The following ZYX variants were observed in gnomAD, a reference collection of about 807,000 sequenced individuals.
ZYX encodes the protein zyxin.
In ZYX, 37 loss-of-function variants were observed where a neutral mutation model predicts 58.1. That is an observed-to-expected ratio of 0.64 (90% confidence interval 0.49 to 0.84). The LOEUF is 0.84. Among genes scored for constraint, ZYX ranks in the 40% least tolerant of loss-of-function variants. The probability of loss-of-function intolerance (pLI) is 0.00; values close to 1 mark genes in which losing one functional copy is unlikely to be tolerated. For missense variants in ZYX, 762 were observed against 761.6 expected (o/e 1.00, Z -0.01); for synonymous variants, 324 against 321.1 (o/e 1.01, Z -0.10).
intron 5 of ZYX, among the ~76,000 whole-genome samples, chr7:143,385,684 T>TTTTTTTTTTTTTTA: frequency 7.5e-6 from 1 of 132,766 alleles, no homozygotes; most frequent in African/African-American, 2.9e-5. Context: ...TTTTTTTTTT[T>TTTTTTTTTTTTTTA]TTGGAGACGG....
chr7:143,382,695 C>A lies in ZYX; in HGVS notation c.501+10C>A. ...TCCTTTCAAAGCCCGGGTAAGGGAC[C>A]GGAGAGTAGGAAAAGCAGGGCTCAG... On this transcript the variant is annotated intron_variant, in intron 4 of 9. Coordinates refer to ENST00000322764, the MANE Select transcript of ZYX (RefSeq NM_003461.5). 1 of 1,614,020 alleles carries A rather than the reference C, an allele frequency of 6.2e-7. No individual in the cohort carries two copies. The highest frequency in any genetic ancestry group is 8.5e-7 in the Non-Finnish European group (1 of 1,179,966).
chr7:143,387,138 GATGGCTAAGATCTTAAGGGAAA>G lies in ZYX; in HGVS notation c.1024-1067_1024-1046del, dbSNP rs1258480819. On this transcript the variant is annotated intron_variant, in intron 5 of 9. Coordinates refer to ENST00000322764, the MANE Select transcript of ZYX (RefSeq NM_003461.5). This position sits in a 1 kb window ranked among gnomAD's most constrained non-coding sequence, Gnocchi z 5.8. ...AAGAGATGGTAGGATCTTAAGGGAA[GATGGCTAAGATCTTAAGGGAAA>G]ATGGCTAAGATCTGGAGAGTTGGAC... Among the ~76,000 whole-genome samples, 194 of 152,278 alleles carry G rather than the reference GATGGCTAAGATCTTAAGGGAAA, an allele frequency of 1.3e-3. No homozygotes were observed. The highest frequency in any genetic ancestry group is 4.3e-3 in the African/African-American group (180 of 41,544).
intron 2 of ZYX, 78 bp from the exon 3 acceptor site, chr7:143,382,170 G>T (rs773998126): frequency 1.6e-6 from 2 of 1,244,154 alleles, no homozygotes; most frequent in African/African-American, 1.5e-5. Context: ...TGGGTTAGGG[G>T]TTAGAGCGGT....
At position 143,388,439 on chromosome 7, in the gene ZYX, A is replaced by G. The variant is rs1291286515; in HGVS notation, c.1145-50A>G. ...CTATCTGAGCTGGCTGATCCCTCGC[A>G]GCTCTACATACTTCCTTCTATTTAC... On this transcript the variant is annotated intron_variant, in intron 6 of 9. Transcript: ENST00000322764. This position sits in a 1 kb window ranked among gnomAD's most constrained non-coding sequence, Gnocchi z 7.5. The G allele has an allele frequency of 2.5e-6, 4 of 1,604,694 alleles. No homozygotes were observed. Among genetic ancestry groups the G allele is most frequent in the Non-Finnish European group, 3.4e-6 (4 of 1,173,446 alleles).
chr7:143,385,844 C>T (rs1338442743), intron 5 of ZYX, among the ~76,000 whole-genome samples: 2 of 151,568 alleles, frequency 1.3e-5, no homozygotes, highest in Admixed American at 1.3e-4. Context: ...GGGGTTTCAC[C>T]ATGTTGGCTA....
chr7:143,382,278 G>A lies in ZYX; in HGVS notation c.239G>A (p.Gly80Glu), dbSNP rs752397661. ...CCCCTGCCTCCACCTCCCCTTGCTG[G>A]GGATGGCGACGATGCAGAGGGTGCT... ...DFPLPPPPLAGDGDDAEGALG... is the reference protein window; with the variant it reads ...DFPLPPPPLAEDGDDAEGALG... The change falls in exon 3 of 10, where the codon GGG becomes GAG. Residue 80 changes from glycine to glutamate, a missense_variant. Physicochemically the swap from Gly to Glu is moderately conservative, Grantham distance 98 (BLOSUM62 -2). Coordinates refer to ENST00000322764, the MANE Select transcript of ZYX (RefSeq NM_003461.5). The A allele has an allele frequency of 2.6e-5, 42 of 1,612,866 alleles. No individual in the cohort carries two copies. Among genetic ancestry groups the A allele is most frequent in the Non-Finnish European group, 3.4e-5 (40 of 1,179,570 alleles).
intron 5 of ZYX, among the ~76,000 whole-genome samples, chr7:143,386,064 G>A (rs1252479686): frequency 6.6e-6 from 1 of 151,518 alleles, no homozygotes; most frequent in Non-Finnish European, 1.5e-5. Flanking sequence ...TGTGTGGTCT[G>A]GTATGTGTGT....
chr7:143,390,166 G>T lies in ZYX; in HGVS notation c.1614+189G>T. ...GCCACTGCAGGAAATGGGGCTGTGG[G>T]GCTTCTGAGGTCACTTTGAGTCATG... On this transcript the variant is annotated intron_variant, in intron 9 of 9. Coordinates refer to ENST00000322764, the MANE Select transcript of ZYX (RefSeq NM_003461.5). This position sits in a 1 kb window ranked among gnomAD's most constrained non-coding sequence, Gnocchi z 4.3. 1 of 747,766 alleles carries T rather than the reference G, an allele frequency of 1.3e-6. No homozygotes were observed. The highest frequency in any genetic ancestry group is 2.1e-6 in the Non-Finnish European group (1 of 473,944). 46.3% of individuals were successfully genotyped at this position (747,766 alleles called of 1,614,324 possible).
chr7:143,382,604 G>C lies in ZYX; in HGVS notation c.420G>C (p.Lys140Asn). The C allele has an allele frequency of 6.2e-7, 1 of 1,614,054 alleles. No individual in the cohort carries two copies. Among genetic ancestry groups the C allele is most frequent in the Non-Finnish European group, 8.5e-7 (1 of 1,179,978 alleles). The change falls in exon 4 of 10, where the codon AAG becomes AAC. Residue 140 changes from lysine (K) to asparagine (N), a missense_variant. Lys to Asn is a moderately conservative substitution (Grantham distance 94). Coordinates refer to ENST00000322764, the MANE Select transcript of ZYX (RefSeq NM_003461.5). ...CTCTGACCCTCTAGCCCAGGGAGAA[G>C]GTGAGCAGTATTGATTTGGAGATCG... The part of the protein sequence containing the change: ...PIPPPPQPRE[K>N]VSSIDLEIDS...
Position 143,381,560 on chromosome 7 carries a change from C to A in ZYX, c.-12C>A, listed in dbSNP as rs556510440. On this transcript the variant is annotated 5_prime_UTR_variant, in exon 2 of 10. Transcript: ENST00000322764. The stretch of plus-strand genomic sequence containing the variant: ...GTAACCCGGCGACCCACCCCAGCAG[C>A]CCGGCCCGGCCATGGCGGCCCCCCG... 9 of 1,608,136 alleles carry A rather than the reference C, an allele frequency of 5.6e-6. No individual in the cohort carries two copies. The African/African-American group carries it at 1.2e-4, about 21-fold the overall frequency.
In ZYX at chr7:143,390,635, G is replaced by A. The variant is rs1456475513; in HGVS notation, c.1672G>A (p.Gly558Ser). 3.8e-6 allele frequency: 6 copies of A among 1,588,266 alleles called. No homozygotes were observed. The highest frequency in any genetic ancestry group is 4.5e-5 in the East Asian group (2 of 43,974). ...TGACAATGGCTGCTTCCCCCTGGAC[G>A]GTCACGTGCTCTGTCGGAAGTGCCA... ...ADDNGCFPLDGHVLCRKCHTA... is the reference protein window; with the variant it reads ...ADDNGCFPLDSHVLCRKCHTA... The change falls in exon 10 of 10, where the codon GGT becomes AGT. Residue 558 changes from glycine to serine, a missense_variant. By Grantham distance (56) the Gly-to-Ser change is moderately conservative (BLOSUM62 0). Transcript: ENST00000322764. This position sits in a 1 kb window ranked among gnomAD's most constrained non-coding sequence, Gnocchi z 4.3.
In ZYX at chr7:143,383,109, T is replaced by G. The variant is rs936634848; in HGVS notation, c.810T>G (p.Thr270=). 14 of 1,614,136 alleles carry G rather than the reference T, an allele frequency of 8.7e-6. No individual in the cohort carries two copies. The highest frequency in any genetic ancestry group is 1.1e-5 in the Non-Finnish European group (13 of 1,180,044). Residue 270 remains threonine (T), a synonymous_variant, in exon 5 of 10, where the codon ACT becomes ACG. Coordinates refer to ENST00000322764, the MANE Select transcript of ZYX (RefSeq NM_003461.5). ...CAGCCCCTAAGTTTTCTCCAGTGACTCCTAAGTTTACTCCTGTGGCTTCCA... is the reference window on the plus strand; with the variant it reads ...CAGCCCCTAAGTTTTCTCCAGTGACGCCTAAGTTTACTCCTGTGGCTTCCA... ...PAPAPKFSPV[T]PKFTPVASKF...
chr7:143,387,951 T>C lies in ZYX; in HGVS notation c.1024-268T>C, dbSNP rs1424176696. ...CTCCGTCCGCCCAGTCATTCTGGCC[T>C]GTCTGTGACTGCTCAGGGGGTTTGG... is the stretch of plus-strand genomic sequence containing the variant. On this transcript the variant is annotated intron_variant, in intron 5 of 9. Coordinates refer to ENST00000322764, the MANE Select transcript of ZYX (RefSeq NM_003461.5). This position sits in a 1 kb window ranked among gnomAD's most constrained non-coding sequence, Gnocchi z 5.8. The C allele has an allele frequency of 2.3e-5, 13 of 561,472 alleles. No homozygotes were observed. Among genetic ancestry groups the C allele is most frequent in the Middle Eastern group, 4.8e-4 (1 of 2,080 alleles). The allele number at this position is 561,472 out of a possible 1,614,324, so 34.8% of individuals were successfully genotyped here. A position where few individuals can be genotyped will look rare whatever the true frequency, so the allele number is the denominator to read the frequency against.
Position 143,388,758 on chromosome 7 carries a change from C to T in ZYX, c.1315-9C>T, listed in dbSNP as rs1047269639. ...GTTCCCTGCCAACCTCCTCCTGCTG[C>T]CTCCTCAGGACACCCTGGAGAAGTG... is the stretch of plus-strand genomic sequence containing the variant. On this transcript the variant is annotated splice_polypyrimidine_tract_variant and intron_variant, in intron 7 of 9. Coordinates refer to ENST00000322764, the MANE Select transcript of ZYX (RefSeq NM_003461.5). This position sits in a 1 kb window ranked among gnomAD's most constrained non-coding sequence, Gnocchi z 7.5. 6.2e-7 allele frequency: 1 copy of T among 1,611,564 alleles called. No homozygotes were observed. The highest frequency in any genetic ancestry group is 1.7e-5 in the Admixed American group (1 of 59,884).
In ZYX at chr7:143,382,396, TCCTC is replaced by T; in HGVS notation, c.359_362del (p.Pro120ArgfsTer21). The T allele has an allele frequency of 6.3e-7, 1 of 1,578,750 alleles. No homozygotes were observed. The stretch of plus-strand genomic sequence containing the variant: ...AGGAGATCTTCCCTTCCCCGCCGCC[TCCTC>T]CGGAGGAGGAGGGAGGGCCTGAGGC... On this transcript the variant is annotated frameshift_variant, in exon 3 of 10. Coordinates refer to ENST00000322764, the MANE Select transcript of ZYX (RefSeq NM_003461.5). LOFTEE classifies it high-confidence loss of function.
At chr7:143,385,935 G>A (rs534373929) in intron 5 of ZYX, among the ~76,000 whole-genome samples, 45 of 151,140 alleles carry the variant, frequency 3.0e-4, no homozygotes, top group Non-Finnish European at 5.9e-4. Flanking sequence ...GTGAGCCACC[G>A]CGCCTGGCCT....
rs1366739643 is a variant in ZYX at position 143,388,074 on chromosome 7, A to T, written c.1024-145A>T. On this transcript the variant is annotated intron_variant, in intron 5 of 9. Transcript: ENST00000322764. The surrounding 1 kb of genome is among the most constrained non-coding windows in gnomAD (Gnocchi z 7.5). ...TGGGGATGGCGGGGGTAGGGGGACG[A>T]GGGAGAAGCTTTAAGGGTCAAGCCT... The T allele has an allele frequency of 4.2e-6, 4 of 963,396 alleles. No individual in the cohort carries two copies. In the African/African-American group the frequency reaches 6.6e-5, roughly 16 times the overall value. 59.7% of individuals were successfully genotyped at this position (963,396 alleles called of 1,614,324 possible).
chr7:143,381,978 CTGGGAG>C, intron 2 of ZYX, 199 bp downstream of exon 2: 1 of 638,450 alleles, frequency 1.6e-6, no homozygotes, highest in Non-Finnish European at 2.6e-6. Context: ...AGTCCCCCGC[CTGGGAG>C]TGGGAGTCGG....
At chr7:143,385,363 T>C (rs1478177202) in intron 5 of ZYX, among the ~76,000 whole-genome samples, 1 of 151,040 alleles carries the variant, frequency 6.6e-6, no homozygotes, top group Non-Finnish European at 1.5e-5. Flanking sequence ...ATGAGTGGCG[T>C]GTGTGTGTGT....
Sources: allele counts gnomAD v4.1 joint callset (sites outside exome capture counted in the v4.1 genomes callset), GRCh38; gene constraint gnomAD v4.1.1; non-coding constraint Gnocchi (gnomAD v3.1); transcripts MANE v1.5; gene names NCBI Gene and HGNC (gene_info 2026-07-23, HGNC 2026-07-21).